Variants in USP40 observed in about 807,000 individuals in gnomAD.
The protein encoded by USP40 is ubiquitin specific peptidase 40.
Under a neutral mutation model 166.2 loss-of-function variants are expected in USP40, and 143 were observed. The observed-to-expected ratio is 0.86, with a 90% CI of 0.75 to 0.99. The LOEUF is 0.99. Among genes scored for constraint, USP40 ranks in the 50% least tolerant of loss-of-function variants. The pLI, the probability that USP40 is intolerant of heterozygous loss-of-function variation, is 0.00. For missense variants in USP40, 1,444 were observed against 1,479.7 expected (o/e 0.98, Z 0.40); for synonymous variants, 498 against 524.0 (o/e 0.95, Z 0.68).
intron 31 of USP40, among the ~76,000 whole-genome samples, chr2:233,478,143 T>C (rs912377476): frequency 1.2e-4 from 19 of 152,254 alleles, no homozygotes; most frequent in African/African-American, 4.6e-4. Flanking sequence ...CTGGCCATGG[T>C]GAATGAAGCT....
intron 11 of USP40, among the ~76,000 whole-genome samples, chr2:233,529,911 G>A (rs1377470690): frequency 6.9e-6 from 1 of 145,214 alleles, no homozygotes; most frequent in African/African-American, 2.6e-5. Flanking sequence ...AGCAATTCTC[G>A]TGCCTCAGCC....
chr2:233,524,279 G>A (rs1297158348), intron 15 of USP40, among the ~76,000 whole-genome samples: 4 of 152,054 alleles, frequency 2.6e-5, no homozygotes, highest in Admixed American at 2.0e-4. Context: ...ACAGGCATAC[G>A]CTACCATGCC....
intron 18 of USP40, among the ~76,000 whole-genome samples, chr2:233,516,376 A>G (rs947351012): frequency 1.5e-4 from 23 of 152,180 alleles, no homozygotes; most frequent in African/African-American, 5.6e-4. Context: ...CTACACATCA[A>G]ATGGGGAAGA....
At chr2:233,532,013 A>G (rs1002871106) in intron 11 of USP40, among the ~76,000 whole-genome samples, 5 of 152,192 alleles carry the variant, frequency 3.3e-5, no homozygotes, top group Non-Finnish European at 7.3e-5. Flanking sequence ...CAAGGACCAG[A>G]GGCTACTTCC....
chr2:233,560,040 T>A, intron 3 of USP40, 116 bp from the exon 4 acceptor site: 1 of 599,488 alleles, frequency 1.7e-6, no homozygotes, highest in Non-Finnish European at 2.8e-6. Context: ...AGAAAGTTTA[T>A]AAATATCCTA....
chr2:233,512,077 T>C, intron 19 of USP40: 2 of 276,646 alleles, frequency 7.2e-6, no homozygotes, highest in Non-Finnish European at 1.3e-5. Flanking sequence ...CAAAGAGCTG[T>C]TGTTTATATA....
chr2:233,535,833 G>A (rs1215216588), intron 10 of USP40, among the ~76,000 whole-genome samples: 2 of 152,052 alleles, frequency 1.3e-5, no homozygotes, highest in Admixed American at 6.6e-5. Flanking sequence ...AAAATCTATT[G>A]CACAGTATGG....
At chr2:233,559,419 G>T (rs1184196576) in intron 4 of USP40, among the ~76,000 whole-genome samples, 1 of 152,170 alleles carries the variant, frequency 6.6e-6, no homozygotes, top group Non-Finnish European at 1.5e-5. Context: ...TACTTACAAT[G>T]TAATTGATCC....
At position 233,527,591 on chromosome 2, in the gene USP40, AC is replaced by A; in HGVS notation, c.1554-14del. 2 of 1,587,732 alleles carry A rather than the reference AC, an allele frequency of 1.3e-6. No homozygotes were observed. The highest frequency in any genetic ancestry group is 1.7e-6 in the Non-Finnish European group (2 of 1,169,130). On this transcript the variant is annotated splice_polypyrimidine_tract_variant and intron_variant, in intron 12 of 31. Coordinates refer to ENST00000678225, the MANE Select transcript of USP40 (RefSeq NM_001365479.2). Reference sequence around the variant, plus strand: ...ATCACATTCTGCCCTTTAAAGAGGCACAAAAATACATAAATACTGTGTTTTT... The same window carrying A: ...ATCACATTCTGCCCTTTAAAGAGGCAAAAAATACATAAATACTGTGTTTTT...
intron 24 of USP40, among the ~76,000 whole-genome samples, chr2:233,495,336 T>C (rs1179427053): frequency 1.3e-5 from 2 of 151,928 alleles, no homozygotes; most frequent in Non-Finnish European, 2.9e-5. Context: ...ACATGGTTAG[T>C]CTTCACATTG....
rs1300071924 is a variant in USP40 at position 233,477,039 on chromosome 2, G to C, written c.*353C>G. 2.8e-6 allele frequency: 1 copy of C among 352,248 alleles called. No homozygotes were observed. Among genetic ancestry groups the C allele is most frequent in the Non-Finnish European group, 5.5e-6 (1 of 180,412 alleles). The allele number at this position is 352,248 out of a possible 1,614,324, so 21.8% of individuals were successfully genotyped here. On this transcript the variant is annotated 3_prime_UTR_variant, in exon 32 of 32. Transcript: ENST00000678225. ...CTGACCCCACACACCTCCCACAGCG[G>C]AGCAACGGCATGCCGCTGCCTCCAT...
At chr2:233,554,304 G>C (rs566984781) in intron 6 of USP40, 76 bp downstream of exon 6, 1 of 1,406,070 alleles carries the variant, frequency 7.1e-7, no homozygotes, top group African/African-American at 1.5e-5. Context: ...GTATATCCTC[G>C]AGACTTTTTC....
rs1400294539 is a variant in USP40, at chr2:233,513,989, G to A, written c.2384-1367C>T. On this transcript the variant is annotated intron_variant, in intron 18 of 31. Transcript: ENST00000678225. The stretch of plus-strand genomic sequence containing the variant: ...ATATCTTGTATTACAGTAATATGAG[G>A]CTAGCATACAATTCTCACATAAATC... Among the ~76,000 whole-genome samples, 29 of 152,120 alleles carry A rather than the reference G, an allele frequency of 1.9e-4. 1 individual carries two copies. The highest frequency in any genetic ancestry group is 1.9e-3 in the Admixed American group (29 of 15,270).
chr2:233,488,453 A>C lies in USP40; in HGVS notation c.3132-149T>G, dbSNP rs1300604866. ...ACCCAAACTTTTGGAAAAGGGGAAA[A>C]AATGAGAATCCTTGCTGCGGTGATT... is the stretch of plus-strand genomic sequence containing the variant. On this transcript the variant is annotated intron_variant, in intron 27 of 31. Coordinates refer to ENST00000678225, the MANE Select transcript of USP40 (RefSeq NM_001365479.2). 7 of 687,952 alleles carry C rather than the reference A, an allele frequency of 1.0e-5. No homozygotes were observed. The East Asian group carries it at 1.9e-4, about 19-fold the overall frequency. 42.6% of individuals were successfully genotyped at this position (687,952 alleles called of 1,614,324 possible).
intron 2 of USP40, among the ~76,000 whole-genome samples, chr2:233,563,349 G>A (rs550377037): frequency 9.8e-5 from 15 of 152,306 alleles, no homozygotes; most frequent in African/African-American, 3.6e-4. Context: ...CCAACATCTA[G>A]GTGATGTGCC....
chr2:233,551,848 C>T (rs1575336985), intron 6 of USP40, among the ~76,000 whole-genome samples: 1 of 152,302 alleles, frequency 6.6e-6, no homozygotes, highest in South Asian at 2.1e-4. Context: ...TCCACTTTAC[C>T]TGGCAGGTCT....
chr2:233,482,363 CAA>C (rs879790967), intron 30 of USP40, among the ~76,000 whole-genome samples: 12 of 119,306 alleles, frequency 1.0e-4, no homozygotes, highest in Admixed American at 1.7e-4. Context: ...GACTCTGTCT[CAA>C]AAAAAAAAAA....
At chr2:233,542,728 TA>T (rs2069540400) in intron 8 of USP40, 1 of 163,550 alleles carries the variant, frequency 6.1e-6, no homozygotes, top group African/African-American at 2.4e-5. Context: ...AACATCACAA[TA>T]ATCTGCATAT....
chr2:233,494,827 A>T, intron 24 of USP40, among the ~76,000 whole-genome samples: 1 of 140,418 alleles, frequency 7.1e-6, no homozygotes, highest in East Asian at 2.4e-4. Flanking sequence ...TCCTTTCTAA[A>T]AAAAAAAAAA....
Sources: gnomAD v4.1 joint callset for allele counts (sites outside exome capture counted in the v4.1 genomes callset) on GRCh38, gnomAD v4.1.1 for gene constraint, MANE v1.5 for transcripts, NCBI Gene and HGNC (gene_info 2026-07-23, HGNC 2026-07-21) for gene names.